The following CD109 variants were observed in gnomAD, a reference collection of about 807,000 sequenced individuals.
CD109 encodes CD109 antigen.
CD109 carries 149 observed loss-of-function variants against 165.8 expected under a neutral mutation model. The ratio of observed to expected loss-of-function variants is 0.90; its 90% confidence interval spans 0.79 to 1.03. The LOEUF is 1.03. CD109 is among the 50% of genes least tolerant of loss of function. The probability of loss-of-function intolerance (pLI) is 0.00; values close to 1 mark genes in which losing one functional copy is unlikely to be tolerated. For missense variants in CD109, 1,712 were observed against 1,677.8 expected, an observed-to-expected ratio of 1.02 and a Z score of -0.36; for synonymous variants, 585 against 592.1, an observed-to-expected ratio of 0.99 and a Z score of 0.18.
intron 2 of CD109, among the ~76,000 whole-genome samples, chr6:73,704,537 G>A (rs1167611683): frequency 6.6e-6 from 1 of 152,196 alleles, no homozygotes; most frequent in Non-Finnish European, 1.5e-5. Context: ...AACATGTGCT[G>A]CTCCTCTTCT....
At position 73,704,910 on chromosome 6, in the gene CD109, T is replaced by C. The variant is rs570188542; in HGVS notation, c.247+7338T>C. Among the ~76,000 whole-genome samples, 12 of 152,306 alleles carry C rather than the reference T, an allele frequency of 7.9e-5. No individual in the cohort carries two copies. The East Asian group carries it at 2.3e-3, about 29-fold the overall frequency. On this transcript the variant is annotated intron_variant, in intron 2 of 32. Transcript: ENST00000287097. ...CGGTTTGTAAATAGTGCTTCTTGTA[T>C]GTGAGCCTGTGCCTGGTACTATTAT...
Position 73,763,565 on chromosome 6 carries a change from T to C in CD109, c.998-11T>C. 1 of 1,466,420 alleles carries C rather than the reference T, an allele frequency of 6.8e-7. No homozygotes were observed. Among genetic ancestry groups the C allele is most frequent in the Non-Finnish European group, 9.4e-7 (1 of 1,067,828 alleles). The allele number at this position is 1,466,420 out of a possible 1,614,324, so 90.8% of individuals were successfully genotyped here. On this transcript the variant is annotated splice_polypyrimidine_tract_variant and intron_variant, in intron 9 of 32. Transcript: ENST00000287097. ...ACTTTTGCTTTCTAAATTGTGCAAT[T>C]TCCAAAAAAGGTATTTCAAGAAATG...
intron 2 of CD109, among the ~76,000 whole-genome samples, chr6:73,712,018 C>A (rs1220521255): frequency 6.6e-6 from 1 of 152,030 alleles, no homozygotes; most frequent in East Asian, 1.9e-4. Context: ...TCTCCAATGT[C>A]TATTATTTCA....
chr6:73,763,161 C>G (rs1403140288), intron 9 of CD109, among the ~76,000 whole-genome samples: 1 of 152,212 alleles, frequency 6.6e-6, no homozygotes, highest in Admixed American at 6.5e-5. Context: ...GAAAGGCTTA[C>G]ATTTTCAGCT....
At chr6:73,695,227 C>T (rs1770776587), upstream of CD109, 1 of 152,204 alleles carries the variant, frequency 6.6e-6, no homozygotes, top group African/African-American at 2.4e-5. Flanking sequence ...TCTGGCAGTT[C>T]CCTGCTTTTA....
chr6:73,734,605 G>T (rs1772479890), intron 4 of CD109, among the ~76,000 whole-genome samples: 5 of 152,206 alleles, frequency 3.3e-5, no homozygotes, highest in Non-Finnish European at 7.3e-5. Flanking sequence ...AGTTTACCAA[G>T]GATACAGTGA....
the CD109 span, among the ~76,000 whole-genome samples, chr6:73,679,360 G>A: frequency 6.6e-6 from 1 of 151,706 alleles, no homozygotes; most frequent in Non-Finnish European, 1.5e-5. Flanking sequence ...GAAATGTAAA[G>A]GAATCACCAT....
intron 6 of CD109, among the ~76,000 whole-genome samples, chr6:73,758,157 G>T (rs532018720): frequency 1.3e-5 from 2 of 152,158 alleles, no homozygotes; most frequent in South Asian, 2.1e-4. Flanking sequence ...CATTAGCCTT[G>T]ATTGGAGCTG....
intron 15 of CD109, among the ~76,000 whole-genome samples, chr6:73,775,491 C>T (rs549713314): frequency 1.3e-5 from 2 of 152,174 alleles, no homozygotes; most frequent in Middle Eastern, 3.4e-3. Flanking sequence ...TCCCCCTCGC[C>T]CCTGTAACCA....
chr6:73,785,080 A>G (rs1303343347), intron 19 of CD109, among the ~76,000 whole-genome samples: 1 of 152,198 alleles, frequency 6.6e-6, no homozygotes, highest in Non-Finnish European at 1.5e-5. Context: ...ACTAACAGTA[A>G]CCTTATGGGG....
At chr6:73,771,270 A>G (rs1474001161) in intron 14 of CD109, among the ~76,000 whole-genome samples, 159 bp from the exon 15 acceptor site, 1 of 152,194 alleles carries the variant, frequency 6.6e-6, no homozygotes, top group Non-Finnish European at 1.5e-5. Flanking sequence ...TAGTTTTTTT[A>G]TTCCTTTCCC....
intron 2 of CD109, among the ~76,000 whole-genome samples, chr6:73,697,971 C>T (rs1267837188): frequency 6.6e-6 from 1 of 152,004 alleles, no homozygotes; most frequent in Non-Finnish European, 1.5e-5. Flanking sequence ...AATGTGTGCC[C>T]CAGAAGAGGA....
intron 15 of CD109, among the ~76,000 whole-genome samples, chr6:73,777,434 G>C (rs1323303615): frequency 6.6e-6 from 1 of 151,778 alleles, no homozygotes; most frequent in Non-Finnish European, 1.5e-5. Context: ...CATTTAATTT[G>C]ATCCCATTTG....
chr6:73,701,094 C>A (rs1167391328), intron 2 of CD109, among the ~76,000 whole-genome samples: 1 of 150,490 alleles, frequency 6.6e-6, no homozygotes. Context: ...AGCCACCGTG[C>A]CCAGCGATTA....
At chr6:73,770,952 C>A (rs1019161438) in intron 14 of CD109, among the ~76,000 whole-genome samples, 3 of 152,158 alleles carry the variant, frequency 2.0e-5, no homozygotes, top group African/African-American at 7.2e-5. Context: ...ACCACCCACT[C>A]CCTTGGAAAG....
At chr6:73,821,425 G>A (rs1367267777) in intron 32 of CD109, among the ~76,000 whole-genome samples, 1 of 152,180 alleles carries the variant, frequency 6.6e-6, no homozygotes, top group African/African-American at 2.4e-5. Context: ...GCACTCATAT[G>A]TTTATCACAG....
chr6:73,758,850 G>A, intron 6 of CD109, 94 bp from the exon 7 acceptor site: 1 of 701,216 alleles, frequency 1.4e-6, no homozygotes, highest in Non-Finnish European at 2.5e-6. Flanking sequence ...TTTATTCAGT[G>A]GAAGATGATA....
At chr6:73,805,064 A>G (rs1775514738) in intron 24 of CD109, among the ~76,000 whole-genome samples, 2 of 152,354 alleles carry the variant, frequency 1.3e-5, no homozygotes, top group South Asian at 4.1e-4. Context: ...ACCATAAACT[A>G]GTTCAACCAT....
intron 5 of CD109, among the ~76,000 whole-genome samples, chr6:73,745,692 CTA>C (rs1280110247): frequency 6.6e-6 from 1 of 152,144 alleles, no homozygotes; most frequent in East Asian, 1.9e-4. Flanking sequence ...CTCACAGCCT[CTA>C]TAACCTTGGT....
Sources: allele counts gnomAD v4.1 joint callset (sites outside exome capture counted in the v4.1 genomes callset), GRCh38; gene constraint gnomAD v4.1.1; transcripts MANE v1.5; gene names NCBI Gene and HGNC (gene_info 2026-07-23, HGNC 2026-07-21).